The following ACER2 variants were observed in gnomAD, a reference collection of about 807,000 sequenced individuals.
ACER2 encodes the protein alkCDase 2.
ACER2 carries 26 observed loss-of-function variants against 34.7 expected under a neutral mutation model. That is an observed-to-expected ratio of 0.75 (90% CI 0.55 to 1.04). The LOEUF (loss-of-function observed/expected upper bound fraction) is 1.04. Among genes scored for constraint, ACER2 ranks in the 50% least tolerant of loss-of-function variants. The pLI is 0.00. For missense variants in ACER2, 352 were observed against 340.8 expected, an observed-to-expected ratio of 1.03 and a Z score of -0.26; for synonymous variants, 138 against 132.1, an observed-to-expected ratio of 1.04 and a Z score of -0.31.
chr9:19,433,898 G>A (rs979677442), intron 3 of ACER2, among the ~76,000 whole-genome samples: 1 of 150,742 alleles, frequency 6.6e-6, no homozygotes, highest in Non-Finnish European at 1.5e-5. Flanking sequence ...GGGGCGGCTG[G>A]CCGGGTAGGG....
At chr9:19,425,084 G>C (rs1361928320) in intron 3 of ACER2, among the ~76,000 whole-genome samples, 3 of 152,202 alleles carry the variant, frequency 2.0e-5, no homozygotes, top group Non-Finnish European at 4.4e-5. Flanking sequence ...TCACCTCTCT[G>C]TACCCAGTGG....
intron 4 of ACER2, among the ~76,000 whole-genome samples, chr9:19,436,727 T>C (rs1563886474): frequency 6.6e-6 from 1 of 152,264 alleles, no homozygotes; most frequent in Non-Finnish European, 1.5e-5. Flanking sequence ...TTTATTTTAA[T>C]TAGTCAACAC....
intron 1 of ACER2, among the ~76,000 whole-genome samples, chr9:19,416,572 C>T (rs1242320183): frequency 6.6e-6 from 1 of 152,052 alleles, no homozygotes; most frequent in Non-Finnish European, 1.5e-5. Flanking sequence ...GTCGCCCAGG[C>T]TGGAGTGCAA....
chr9:19,434,829 G>A (rs1406450035), intron 3 of ACER2, 118 bp from the exon 4 acceptor site: 1 of 1,335,622 alleles, frequency 7.5e-7, no homozygotes, highest in Non-Finnish European at 1.0e-6. Flanking sequence ...TTGGTACTTA[G>A]CGCAGAATTT....
chr9:19,444,592 T>C (rs1036942985), intron 4 of ACER2, among the ~76,000 whole-genome samples: 3 of 152,184 alleles, frequency 2.0e-5, no homozygotes, highest in African/African-American at 7.2e-5. Flanking sequence ...ATGCAGCCTG[T>C]GGGCCACGGT....
In ACER2 at chr9:19,447,854, A is replaced by G. The variant is rs761784174; in HGVS notation, c.641+1436A>G. 4.8e-4 allele frequency among the ~76,000 whole-genome samples: 73 copies of G among 152,280 alleles called. 1 individual carries two copies. The highest frequency in any genetic ancestry group is 9.8e-4 in the Admixed American group (15 of 15,280). On this transcript the variant is annotated intron_variant, in intron 5 of 5. Coordinates refer to ENST00000340967, the MANE Select transcript of ACER2 (RefSeq NM_001010887.3). ...AAATTTAAACAACATAGAAGTATAG[A>G]AAGAATGGCTCTCATAATTCTATCC...
chr9:19,428,450 G>A (rs1830649588), intron 3 of ACER2, among the ~76,000 whole-genome samples: 1 of 152,128 alleles, frequency 6.6e-6, no homozygotes, highest in Non-Finnish European at 1.5e-5. Context: ...TTACAGGTAT[G>A]AGCCACCATA....
chr9:19,443,634 T>C (rs1446149330), intron 4 of ACER2, among the ~76,000 whole-genome samples: 1 of 152,200 alleles, frequency 6.6e-6, no homozygotes, highest in Non-Finnish European at 1.5e-5. Flanking sequence ...GTAGTTCCTC[T>C]GGGATTCTAG....
rs571828858 is a variant in ACER2 at position 19,447,700 on chromosome 9, C to T, written c.641+1282C>T. On this transcript the variant is annotated intron_variant, in intron 5 of 5. Coordinates refer to ENST00000340967, the MANE Select transcript of ACER2 (RefSeq NM_001010887.3). ...TGTCACACATGATTTAAGTCAAATT[C>T]GAAATTTAAACTATGTAATAATTTT... 5.3e-5 allele frequency among the ~76,000 whole-genome samples: 8 copies of T among 152,134 alleles called. No individual in the cohort carries two copies. In the South Asian group the frequency reaches 6.2e-4, roughly 12 times the overall value.
intron 4 of ACER2, among the ~76,000 whole-genome samples, chr9:19,438,257 G>T (rs376088483): frequency 6.6e-6 from 1 of 152,202 alleles, no homozygotes; most frequent in East Asian, 1.9e-4. Context: ...AAGATATTTA[G>T]TCTAGTATCT....
intron 1 of ACER2, among the ~76,000 whole-genome samples, chr9:19,412,484 C>T (rs933637543): frequency 6.6e-6 from 1 of 152,018 alleles, no homozygotes; most frequent in Non-Finnish European, 1.5e-5. Context: ...GAAACCTCAT[C>T]TCTACTAAAA....
At chr9:19,443,649 G>A (rs1831234070) in intron 4 of ACER2, among the ~76,000 whole-genome samples, 1 of 147,338 alleles carries the variant, frequency 6.8e-6, no homozygotes, top group Non-Finnish European at 1.5e-5. Context: ...TTCTAGGCTA[G>A]TTTGTTTGTT....
chr9:19,443,820 C>T (rs1831240501), intron 4 of ACER2, among the ~76,000 whole-genome samples: 1 of 152,120 alleles, frequency 6.6e-6, no homozygotes, highest in Non-Finnish European at 1.5e-5. Context: ...CCACCCCCGG[C>T]TAATTTTTGT....
chr9:19,422,292 C>T (rs911270876), intron 1 of ACER2, among the ~76,000 whole-genome samples: 11 of 151,388 alleles, frequency 7.3e-5, no homozygotes, highest in African/African-American at 2.7e-4. Context: ...GAGTAATACC[C>T]TGTCTCTAAG....
Position 19,409,114 on chromosome 9 carries a change from G to A in ACER2, c.30G>A (p.Leu10=). 6.2e-7 allele frequency: 1 copy of A among 1,603,494 alleles called. No homozygotes were observed. The highest frequency in any genetic ancestry group is 1.3e-5 in the African/African-American group (1 of 74,896). Residue 10 remains leucine, a synonymous_variant, in exon 1 of 6, where the codon CTG becomes CTA. Transcript: ENST00000340967. ...GCGCCCCGCACTGGTGGGACCAGCT[G>A]CAGGCTGGTAGCTCGGAGGTGGACT... is the stretch of plus-strand genomic sequence containing the variant. MGAPHWWDQ[L]QAGSSEVDWC... is the part of the protein sequence containing the mutation.
intron 3 of ACER2, among the ~76,000 whole-genome samples, chr9:19,432,568 GTAT>G (rs1830790203): frequency 6.7e-6 from 1 of 150,020 alleles, no homozygotes. Context: ...GTGTGTGGGT[GTAT>G]GTGTGTGTAT....
At chr9:19,417,111 C>T (rs1253122016) in intron 1 of ACER2, among the ~76,000 whole-genome samples, 1 of 152,166 alleles carries the variant, frequency 6.6e-6, no homozygotes, top group Non-Finnish European at 1.5e-5. Context: ...CACAAGTGAA[C>T]TCCCATTCAC....
chr9:19,429,547 G>C (rs1442708176), intron 3 of ACER2, among the ~76,000 whole-genome samples: 1 of 151,986 alleles, frequency 6.6e-6, no homozygotes, highest in Non-Finnish European at 1.5e-5. Flanking sequence ...GCCCAGGCTG[G>C]TCTCAAACTC....
At chr9:19,435,172 G>A in intron 4 of ACER2, 88 bp downstream of exon 4, 2 of 1,484,684 alleles carry the variant, frequency 1.3e-6, no homozygotes, top group Non-Finnish European at 1.8e-6. Context: ...TGTAGCAGAA[G>A]AGGAGTTTTA....
Sources: gnomAD v4.1 joint callset for allele counts (sites outside exome capture counted in the v4.1 genomes callset) on GRCh38, gnomAD v4.1.1 for gene constraint, MANE v1.5 for transcripts, NCBI Gene and HGNC (gene_info 2026-07-23, HGNC 2026-07-21) for gene names.